The following CNMD variants were observed in gnomAD, a reference collection of about 807,000 sequenced individuals.
CNMD encodes the protein leukocyte cell-derived chemotaxin 1.
CNMD carries 30 observed loss-of-function variants against 37.5 expected under a neutral mutation model. The ratio of observed to expected loss-of-function variants is 0.80; its 90% CI spans 0.60 to 1.09. The LOEUF (loss-of-function observed/expected upper bound fraction) is 1.09. Ranked by LOEUF, CNMD falls within the 50% of genes least tolerant of loss-of-function variation. The pLI is 0.00. For synonymous variants in CNMD, 167 were observed against 148.2 expected (o/e 1.13, Z -0.92); for missense variants, 398 against 423.9 (o/e 0.94, Z 0.54).
chr13:52,703,741 T>G lies in CNMD; in HGVS notation c.859A>C (p.Arg287=). ...TTCTGGCAGTGGGTGTAGCTCCGCC[T>G]ACATTCTATACAACAGATTCCTTCG... ...DHEGICCIEC[R]RSYTHCQKIC... Residue 287 remains arginine (R), a synonymous_variant, in exon 7 of 7, where the codon AGG becomes CGG. Transcript: ENST00000377962. 6.2e-7 allele frequency: 1 copy of G among 1,614,212 alleles called. No homozygotes were observed. Among genetic ancestry groups the G allele is most frequent in the East Asian group, 2.2e-5 (1 of 44,890 alleles).
intron 3 of CNMD, among the ~76,000 whole-genome samples, chr13:52,724,861 C>A (rs1964547222): frequency 6.6e-6 from 1 of 152,106 alleles, no homozygotes; most frequent in Non-Finnish European, 1.5e-5. Flanking sequence ...CGCCACTGCA[C>A]TCCAGCTTGG....
chr13:52,727,339 TAACCC>T (rs1964591935), intron 3 of CNMD, among the ~76,000 whole-genome samples: 1 of 151,874 alleles, frequency 6.6e-6, no homozygotes, highest in Admixed American at 6.6e-5. Context: ...TCTTTTGAAA[TAACCC>T]AGTCAGACAA....
intron 4 of CNMD, among the ~76,000 whole-genome samples, chr13:52,718,601 C>T (rs1448670229): frequency 6.6e-6 from 1 of 152,012 alleles, no homozygotes; most frequent in African/African-American, 2.4e-5. Context: ...TGTTATTTAC[C>T]CAGTAGTCAT....
chr13:52,728,559 C>T (rs1964613249), intron 3 of CNMD, among the ~76,000 whole-genome samples: 1 of 152,188 alleles, frequency 6.6e-6, no homozygotes, highest in Admixed American at 6.5e-5. Context: ...CTTATGCTAC[C>T]TCCTGTAGGG....
intron 6 of CNMD, among the ~76,000 whole-genome samples, chr13:52,705,885 A>G (rs1964166394): frequency 2.0e-5 from 3 of 152,210 alleles, no homozygotes; most frequent in Non-Finnish European, 4.4e-5. Flanking sequence ...TAGGGAATAA[A>G]CAGTATTAAA....
rs531485197 is a variant in CNMD at position 52,715,459 on chromosome 13, G to A, written c.469-2590C>T. 7.9e-5 allele frequency among the ~76,000 whole-genome samples: 12 copies of A among 152,060 alleles called. No individual in the cohort carries two copies. The East Asian group carries it at 1.4e-3, about 17-fold the overall frequency. On this transcript the variant is annotated intron_variant, in intron 4 of 6. Transcript: ENST00000377962. ...GGTGGTTTGCTGCATGCATCAACTC[G>A]TCATCTACATTAGATATTTCTCTTA...
intron 3 of CNMD, among the ~76,000 whole-genome samples, chr13:52,730,263 A>G (rs1297905935): frequency 6.6e-6 from 1 of 152,086 alleles, no homozygotes; most frequent in Non-Finnish European, 1.5e-5. Flanking sequence ...TGCTATCGTG[A>G]ATAGTGCTGC....
At chr13:52,738,950 C>T (rs918611501) in intron 2 of CNMD, 81 bp downstream of exon 2, 12 of 1,312,952 alleles carry the variant, frequency 9.1e-6, no homozygotes, top group Non-Finnish European at 1.1e-5. Flanking sequence ...GCCGCGCGCC[C>T]CTCGCCGGCC....
intron 3 of CNMD, among the ~76,000 whole-genome samples, chr13:52,725,947 A>G (rs1964565060): frequency 6.6e-6 from 1 of 152,200 alleles, no homozygotes; most frequent in South Asian, 2.1e-4. Flanking sequence ...ACTGCAAAAC[A>G]CAGAAGAAAA....
At chr13:52,717,097 C>G (rs1226444861) in intron 4 of CNMD, among the ~76,000 whole-genome samples, 24 of 152,020 alleles carry the variant, frequency 1.6e-4, no homozygotes, top group Non-Finnish European at 3.1e-4. Flanking sequence ...GTATTTTATT[C>G]TCTTTTAGCA....
chr13:52,712,535 A>G lies in CNMD; in HGVS notation c.622+181T>C, dbSNP rs1964305536. Among the ~76,000 whole-genome samples, 3 of 151,934 alleles carry G rather than the reference A, an allele frequency of 2.0e-5. No homozygotes were observed. The South Asian group carries it at 6.2e-4, about 32-fold the overall frequency. On this transcript the variant is annotated intron_variant, in intron 5 of 6. Coordinates refer to ENST00000377962, the MANE Select transcript of CNMD (RefSeq NM_007015.3). The stretch of plus-strand genomic sequence containing the variant: ...CCTACTGCTCCTTCCCTTCCCTTCA[A>G]TAGTCACGGGCTGTCATTTTCCTGC...
chr13:52,719,680 T>A (rs2138244569), intron 4 of CNMD, among the ~76,000 whole-genome samples: 1 of 152,348 alleles, frequency 6.6e-6, no homozygotes. Context: ...TTGTAGGGAT[T>A]CTGCCAAGAG....
chr13:52,724,076 T>C lies in CNMD; in HGVS notation c.389A>G (p.Lys130Arg), dbSNP rs771582720. The C allele has an allele frequency of 6.2e-7, 1 of 1,614,054 alleles. No individual in the cohort carries two copies. The highest frequency in any genetic ancestry group is 2.2e-5 in the East Asian group (1 of 44,862). Residue 130 changes from lysine (K) to arginine (R), a missense_variant, in exon 4 of 7, where the codon AAG (lysine) becomes AGG (arginine). Coordinates refer to ENST00000377962, the MANE Select transcript of CNMD (RefSeq NM_007015.3). ...CTTCACTTGCGCTTTAATGTAGCAC[T>C]TCTCTCCTCCAGCAAAACGAATTCC... is the stretch of plus-strand genomic sequence containing the variant. ...ITGIRFAGGE[K>R]CYIKAQVKAR...
rs1347233754 is a variant in CNMD at position 52,739,657 on chromosome 13, A to T, written c.45T>A (p.Pro15=). Residue 15 remains proline, a synonymous_variant, in exon 1 of 7, where the codon CCT becomes CCA. Coordinates refer to ENST00000377962, the MANE Select transcript of CNMD (RefSeq NM_007015.3). The surrounding 1 kb of genome is among the most constrained non-coding windows in gnomAD (Gnocchi z 5.4). ...SDKVPIALVG[P]DDVEFCSPPA... is the part of the protein sequence containing the mutation. Reference sequence around the variant, plus strand: ...GGGGGCTGCAGAATTCCACGTCATCAGGTCCCACCAGGGCAATGGGAACTT... The same window carrying T: ...GGGGGCTGCAGAATTCCACGTCATCTGGTCCCACCAGGGCAATGGGAACTT... 6.2e-7 allele frequency: 1 copy of T among 1,614,118 alleles called. No homozygotes were observed. Among genetic ancestry groups the T allele is most frequent in the East Asian group, 2.2e-5 (1 of 44,876 alleles).
intron 3 of CNMD, among the ~76,000 whole-genome samples, chr13:52,728,963 C>A (rs1964620067): frequency 6.6e-6 from 1 of 152,144 alleles, no homozygotes; most frequent in Non-Finnish European, 1.5e-5. Flanking sequence ...CACAAGAAAG[C>A]CAAGCAAACC....
intron 6 of CNMD, among the ~76,000 whole-genome samples, chr13:52,704,485 G>A (rs1259585680): frequency 2.0e-5 from 3 of 151,860 alleles, no homozygotes; most frequent in African/African-American, 7.3e-5. Context: ...GATTACATTG[G>A]TGAAGTAAAA....
chr13:52,728,703 G>A (rs1282544412), intron 3 of CNMD, among the ~76,000 whole-genome samples: 2 of 152,112 alleles, frequency 1.3e-5, no homozygotes, highest in East Asian at 1.9e-4. Flanking sequence ...GATGTGTGGA[G>A]GGAATGCACA....
chr13:52,712,422 G>A (rs1302518606), intron 5 of CNMD, among the ~76,000 whole-genome samples: 1 of 152,174 alleles, frequency 6.6e-6, no homozygotes. Flanking sequence ...CTGAGATAAA[G>A]GGGCAGAGTG....
chr13:52,723,776 A>G (rs9536257), intron 4 of CNMD, among the ~76,000 whole-genome samples: 6,172 of 152,210 alleles, frequency 0.041, 150 homozygotes, highest in South Asian at 0.064. Context: ...TTAAAAATAC[A>G]ACAAGTTAGT....
Sources: gnomAD v4.1 joint callset for allele counts (sites outside exome capture counted in the v4.1 genomes callset) on GRCh38, gnomAD v4.1.1 for gene constraint, Gnocchi (gnomAD v3.1) non-coding constraint, MANE v1.5 for transcripts, NCBI Gene and HGNC (gene_info 2026-07-23, HGNC 2026-07-21) for gene names.